The following ZMYND11 variants were observed in gnomAD, a reference collection of about 807,000 sequenced individuals.
ZMYND11 encodes zinc finger MYND domain-containing protein 11.
In ZMYND11, 9 loss-of-function variants were observed where a neutral mutation model predicts 84.9. That is an observed-to-expected ratio of 0.11 (90% CI 0.06 to 0.18). The LOEUF is 0.18. ZMYND11 is among the 10% of genes least tolerant of loss of function. ZMYND11 has a pLI of 1.00. For missense variants in ZMYND11, 409 were observed against 761.0 expected (o/e 0.54, Z 5.44); for synonymous variants, 250 against 244.1 (o/e 1.02, Z -0.23).
intron 2 of ZMYND11, among the ~76,000 whole-genome samples, chr10:190,331 G>A (rs976935562): frequency 7.2e-5 from 11 of 152,018 alleles, no homozygotes; most frequent in African/African-American, 2.7e-4. Context: ...CCTGCTGCCC[G>A]TGAAGTCCAC....
intron 3 of ZMYND11, among the ~76,000 whole-genome samples, chr10:216,684 A>G (rs532343521): frequency 1.6e-4 from 25 of 152,302 alleles, no homozygotes; most frequent in African/African-American, 2.9e-4. Context: ...CATTTAAACT[A>G]TAATATACTT....
At chr10:190,311 C>T (rs1180439367) in intron 2 of ZMYND11, among the ~76,000 whole-genome samples, 1 of 152,096 alleles carries the variant, frequency 6.6e-6, no homozygotes, top group Non-Finnish European at 1.5e-5. Context: ...TCCACTGTTG[C>T]AAACGTTTTC....
rs548315270 is a variant in ZMYND11, at chr10:251,313, A to T, written c.1687-1035A>T. On this transcript the variant is annotated intron_variant, in intron 14 of 14. Coordinates refer to ENST00000381604, the MANE Select transcript of ZMYND11 (RefSeq NM_001370100.5). The stretch of plus-strand genomic sequence containing the variant: ...GACCAGTGGGTGGCACAGACCCCAG[A>T]TGTGAATCCCGACACGCCTCATCCA... Among the ~76,000 whole-genome samples, 9 of 152,332 alleles carry T rather than the reference A, an allele frequency of 5.9e-5. No homozygotes were observed. In the South Asian group the frequency reaches 1.9e-3, roughly 32 times the overall value.
At chr10:241,630 CGGCAGCCTT>C (rs1434589107) in intron 9 of ZMYND11, among the ~76,000 whole-genome samples, 1 of 152,228 alleles carries the variant, frequency 6.6e-6, no homozygotes, top group Non-Finnish European at 1.5e-5. Context: ...CATTCTTGGC[CGGCAGCCTT>C]GGCTGCCTGA....
chr10:247,257 G>A, intron 11 of ZMYND11, 141 bp from the exon 12 acceptor site: 1 of 983,502 alleles, frequency 1.0e-6, no homozygotes, highest in Non-Finnish European at 1.5e-6. Flanking sequence ...AGTAAATTAA[G>A]TCAGTGGTAA....
At chr10:249,543 C>T in intron 14 of ZMYND11, 1 of 984,976 alleles carries the variant, frequency 1.0e-6, no homozygotes, top group East Asian at 1.1e-4. Context: ...GTTACTTTTA[C>T]TTTATAGTAG....
chr10:165,892 C>T (rs1554763584), intron 1 of ZMYND11, among the ~76,000 whole-genome samples: 2 of 151,994 alleles, frequency 1.3e-5, no homozygotes, highest in African/African-American at 2.4e-5. Context: ...GATATGTAGT[C>T]TAGTAATAAT....
chr10:207,734 T>G (rs1047351346), intron 2 of ZMYND11, among the ~76,000 whole-genome samples: 1 of 152,172 alleles, frequency 6.6e-6, no homozygotes, highest in Non-Finnish European at 1.5e-5. Flanking sequence ...AGGTAATTTA[T>G]AGATTCAATG....
chr10:198,493 A>G (rs1942334043), intron 2 of ZMYND11, among the ~76,000 whole-genome samples: 1 of 152,216 alleles, frequency 6.6e-6, no homozygotes, highest in Non-Finnish European at 1.5e-5. Flanking sequence ...TATTCAGCAA[A>G]TACTGTAAAT....
intron 1 of ZMYND11, among the ~76,000 whole-genome samples, chr10:170,455 T>TGTGC (rs1554765358): frequency 8.5e-5 from 11 of 129,504 alleles, no homozygotes; most frequent in South Asian, 2.9e-4. Flanking sequence ...TGTGTGTGTG[T>TGTGC]GCGTGCTTAT....
intron 2 of ZMYND11, among the ~76,000 whole-genome samples, chr10:205,866 C>T (rs1944039912): frequency 6.6e-6 from 1 of 151,354 alleles, no homozygotes; most frequent in African/African-American, 2.4e-5. Flanking sequence ...TTTAATTTCA[C>T]CATGATTAAC....
chr10:226,956 G>A (rs535143967), intron 4 of ZMYND11, among the ~76,000 whole-genome samples: 12 of 152,170 alleles, frequency 7.9e-5, no homozygotes, highest in African/African-American at 1.9e-4. Flanking sequence ...GAAAAGACTC[G>A]TCCCCTACAA....
At chr10:140,505 G>A (rs538158785) in intron 1 of ZMYND11, among the ~76,000 whole-genome samples, 1 of 152,268 alleles carries the variant, frequency 6.6e-6, no homozygotes, top group African/African-American at 2.4e-5. Flanking sequence ...TTTAGTGTTT[G>A]TGTTATCCAT....
chr10:207,170 A>T (rs1193560502), intron 2 of ZMYND11, among the ~76,000 whole-genome samples: 2 of 152,174 alleles, frequency 1.3e-5, no homozygotes, highest in East Asian at 3.9e-4. Context: ...ACATGTACTC[A>T]TCATTTTTTA....
At chr10:165,663 C>T (rs1843842547) in intron 1 of ZMYND11, among the ~76,000 whole-genome samples, 1 of 152,094 alleles carries the variant, frequency 6.6e-6, no homozygotes, top group African/African-American at 2.4e-5. Flanking sequence ...TTGACACTCA[C>T]CTCTCCCTTC....
chr10:174,948 G>T (rs1337909858), intron 1 of ZMYND11, among the ~76,000 whole-genome samples: 1 of 119,012 alleles, frequency 8.4e-6, no homozygotes, highest in Admixed American at 8.2e-5. Flanking sequence ...ACATTGGTCA[G>T]AACCCATGGG....
At chr10:159,891 T>C (rs566781700) in intron 1 of ZMYND11, among the ~76,000 whole-genome samples, 148 of 152,348 alleles carry the variant, frequency 9.7e-4, no homozygotes, top group Middle Eastern at 3.4e-3. Flanking sequence ...TTTTGAGTTT[T>C]CTGGATATAT....
intron 6 of ZMYND11, among the ~76,000 whole-genome samples, 161 bp downstream of exon 6, chr10:237,838 G>C (rs147715746): frequency 1.3e-5 from 2 of 152,148 alleles, no homozygotes; most frequent in African/African-American, 4.8e-5. Context: ...ACCAAATGAA[G>C]CATTATTAAT....
intron 1 of ZMYND11, among the ~76,000 whole-genome samples, chr10:140,476 C>A (rs1230646010): frequency 2.0e-5 from 3 of 152,086 alleles, no homozygotes; most frequent in Admixed American, 6.5e-5. Flanking sequence ...GCAAAGAAAT[C>A]TGTAAAATAA....
Sources: gnomAD v4.1 joint callset for allele counts (sites outside exome capture counted in the v4.1 genomes callset) on GRCh38, gnomAD v4.1.1 for gene constraint, MANE v1.5 for transcripts, NCBI Gene and HGNC (gene_info 2026-07-23, HGNC 2026-07-21) for gene names.